The following CAMKMT variants were observed in gnomAD, a reference collection of about 807,000 sequenced individuals.
The protein encoded by CAMKMT is calmodulin-lysine N-methyltransferase.
In CAMKMT, 53 loss-of-function variants were observed where a neutral mutation model predicts 48.0. The ratio of observed to expected loss-of-function variants is 1.10; its 90% confidence interval spans 0.89 to 1.39. The LOEUF (loss-of-function observed/expected upper bound fraction) is 1.39. CAMKMT is among the 40% of genes most tolerant of loss of function. The pLI is 0.00. For synonymous variants in CAMKMT, 165 were observed against 152.3 expected, an observed-to-expected ratio of 1.08 and a Z score of -0.61; for missense variants, 428 against 402.7, an observed-to-expected ratio of 1.06 and a Z score of -0.54.
intron 3 of CAMKMT, among the ~76,000 whole-genome samples, chr2:44,542,405 G>A (rs1667163907): frequency 6.6e-6 from 1 of 151,792 alleles, no homozygotes; most frequent in Non-Finnish European, 1.5e-5. Context: ...AGGCATTTGG[G>A]TGTTGCAACA....
chr2:44,612,442 G>C (rs903489844), intron 3 of CAMKMT, among the ~76,000 whole-genome samples: 1 of 152,002 alleles, frequency 6.6e-6, no homozygotes, highest in African/African-American at 2.4e-5. Context: ...ACTTTGAAAA[G>C]GCAAAAAGGA....
At chr2:44,542,296 A>G (rs1667156712) in intron 3 of CAMKMT, among the ~76,000 whole-genome samples, 1 of 152,194 alleles carries the variant, frequency 6.6e-6, no homozygotes, top group Non-Finnish European at 1.5e-5. Flanking sequence ...TAGAGTTGTC[A>G]TTGTACAAAT....
chr2:44,373,471 A>C (rs966689801), intron 2 of CAMKMT, among the ~76,000 whole-genome samples: 1 of 152,206 alleles, frequency 6.6e-6, no homozygotes, highest in African/African-American at 2.4e-5. Context: ...ATTTTCTCTC[A>C]CAGTTATGTT....
rs1671984026 is a variant in CAMKMT, at chr2:44,618,003, A to T, written c.377-86280A>T. 6.6e-6 allele frequency among the ~76,000 whole-genome samples: 1 copy of T among 152,230 alleles called. No homozygotes were observed. Among genetic ancestry groups the T allele is most frequent in the African/African-American group, 2.4e-5 (1 of 41,460 alleles). ...AACTTTATTCAGACATCAAGAAAGC[A>T]TCATATCTGAGCTATTCTTTTCATC... On this transcript the variant is annotated intron_variant, in intron 3 of 10. Transcript: ENST00000378494. The surrounding 1 kb of genome is among the most constrained non-coding windows in gnomAD (Gnocchi z 4.0).
At chr2:44,588,790 T>C (rs1670073209) in intron 3 of CAMKMT, among the ~76,000 whole-genome samples, 2 of 26,810 alleles carry the variant, frequency 7.5e-5, no homozygotes, top group Non-Finnish European at 1.4e-4. Flanking sequence ...AGGACCCCAC[T>C]GCCCGGCCAG....
chr2:44,425,885 C>T (rs1035941188), intron 3 of CAMKMT, among the ~76,000 whole-genome samples: 3 of 152,100 alleles, frequency 2.0e-5, no homozygotes, highest in Non-Finnish European at 4.4e-5. Context: ...CATGTGCCAC[C>T]ATATCTGGCT....
intron 3 of CAMKMT, among the ~76,000 whole-genome samples, chr2:44,649,646 T>C (rs1341756348): frequency 6.6e-6 from 1 of 152,158 alleles, no homozygotes; most frequent in Non-Finnish European, 1.5e-5. Context: ...AAAGCTGAAA[T>C]GACAGTAAAT....
intron 3 of CAMKMT, among the ~76,000 whole-genome samples, chr2:44,485,453 C>T (rs1326315335): frequency 2.0e-5 from 3 of 152,144 alleles, no homozygotes; most frequent in African/African-American, 7.2e-5. Flanking sequence ...CAAAATAATA[C>T]ATACAGTCAT....
intron 3 of CAMKMT, among the ~76,000 whole-genome samples, chr2:44,497,862 C>T (rs1669830939): frequency 6.6e-6 from 1 of 151,950 alleles, no homozygotes; most frequent in African/African-American, 2.4e-5. Flanking sequence ...GGCATCGGGG[C>T]AGGGTGAAGT....
At position 44,707,414 on chromosome 2, in the gene CAMKMT, G is replaced by C; in HGVS notation, c.508G>C (p.Asp170His). 6.2e-7 allele frequency: 1 copy of C among 1,612,160 alleles called. No individual in the cohort carries two copies. The highest frequency in any genetic ancestry group is 1.1e-5 in the South Asian group (1 of 90,904). ...TTTTTTTCAGGTTGCTATTTCTGCA[G>C]ATGTCAAAGAAGTTCTGTTAACTGA... is the stretch of plus-strand genomic sequence containing the variant. ...LAGLMVAISADVKEVLLTDGN... is the reference protein window; with the variant it reads ...LAGLMVAISAHVKEVLLTDGN... The change falls in exon 6 of 11, where the codon GAT (aspartate) becomes CAT (histidine). Residue 170 changes from aspartate (D) to histidine (H), a missense_variant. Asp to His is a moderately conservative substitution (Grantham distance 81). Transcript: ENST00000378494.
chr2:44,734,680 T>C (rs1429155201), intron 7 of CAMKMT, among the ~76,000 whole-genome samples: 1 of 152,140 alleles, frequency 6.6e-6, no homozygotes, highest in Non-Finnish European at 1.5e-5. Flanking sequence ...CCCAAAGTGC[T>C]GGATTACAGG....
intron 3 of CAMKMT, among the ~76,000 whole-genome samples, chr2:44,570,427 GA>G (rs1215869268): frequency 6.6e-6 from 1 of 152,166 alleles, no homozygotes; most frequent in African/African-American, 2.4e-5. Flanking sequence ...AAATCTGTTA[GA>G]GGAATAGATT....
intron 3 of CAMKMT, among the ~76,000 whole-genome samples, chr2:44,658,763 G>A (rs2104071647): frequency 6.6e-6 from 1 of 152,154 alleles, no homozygotes; most frequent in South Asian, 2.1e-4. Context: ...AACTCTAATT[G>A]TCTTCAGAGT....
chr2:44,571,943 A>G (rs371711318), intron 3 of CAMKMT, among the ~76,000 whole-genome samples: 1 of 152,236 alleles, frequency 6.6e-6, no homozygotes, highest in Non-Finnish European at 1.5e-5. Flanking sequence ...TTTGTGAACT[A>G]CCTTCATGAA....
intron 3 of CAMKMT, among the ~76,000 whole-genome samples, chr2:44,512,727 T>C (rs183306150): frequency 6.6e-6 from 1 of 152,376 alleles, no homozygotes; most frequent in African/African-American, 2.4e-5. Flanking sequence ...TTGAAAGACA[T>C]GATGTATAGT....
At chr2:44,620,508 C>T (rs1270513852) in intron 3 of CAMKMT, among the ~76,000 whole-genome samples, 1 of 152,168 alleles carries the variant, frequency 6.6e-6, no homozygotes, top group Non-Finnish European at 1.5e-5. Flanking sequence ...TGATTTTCAG[C>T]CTCAGGTGGC....
intron 3 of CAMKMT, among the ~76,000 whole-genome samples, chr2:44,479,113 G>A (rs1668840489): frequency 6.6e-6 from 1 of 152,146 alleles, no homozygotes; most frequent in African/African-American, 2.4e-5. Context: ...GTATAACCTT[G>A]CTTAATATTA....
At chr2:44,589,292 C>T (rs1191909616) in intron 3 of CAMKMT, among the ~76,000 whole-genome samples, 142 of 49,502 alleles carry the variant, frequency 2.9e-3, no homozygotes, top group Non-Finnish European at 4.6e-3. Flanking sequence ...GGCCAGCCGC[C>T]CCATCCGGGA....
At chr2:44,371,231 C>T (rs755833732) in intron 1 of CAMKMT, among the ~76,000 whole-genome samples, 1 of 152,140 alleles carries the variant, frequency 6.6e-6, no homozygotes, top group African/African-American at 2.4e-5. Context: ...GTGATCTACC[C>T]ACCTCAGCCT....
Sources: allele counts gnomAD v4.1 joint callset (sites outside exome capture counted in the v4.1 genomes callset), GRCh38; gene constraint gnomAD v4.1.1; non-coding constraint Gnocchi (gnomAD v3.1); transcripts MANE v1.5; gene names NCBI Gene and HGNC (gene_info 2026-07-23, HGNC 2026-07-21).